Variants in PTPRN2 observed in about 807,000 individuals in gnomAD.
PTPRN2 encodes the protein receptor-type tyrosine-protein phosphatase N2.
A neutral mutation model predicts 118.8 loss-of-function variants in PTPRN2; 74 were observed. That is an observed-to-expected ratio of 0.62 (90% CI 0.52 to 0.76). PTPRN2 has a LOEUF of 0.76. Among genes scored for constraint, PTPRN2 ranks in the 30% least tolerant of loss-of-function variants. The pLI is 0.00. For synonymous variants in PTPRN2, 641 were observed against 608.0 expected (o/e 1.05, Z -0.80); for missense variants, 1,481 against 1,394.4 (o/e 1.06, Z -0.99).
intron 9 of PTPRN2, among the ~76,000 whole-genome samples, chr7:158,114,134 G>T (rs1816534844): frequency 6.6e-6 from 1 of 152,202 alleles, no homozygotes; most frequent in Non-Finnish European, 1.5e-5. Context: ...TTTGGGAGTG[G>T]TTACAGCAAT....
intron 2 of PTPRN2, among the ~76,000 whole-genome samples, chr7:158,461,482 C>T (rs113522415): frequency 6.3e-5 from 9 of 141,912 alleles, no homozygotes; most frequent in East Asian, 2.1e-4. Flanking sequence ...GGCAACAGAG[C>T]GAGACTCCGT....
chr7:157,936,887 C>T (rs937085558), intron 11 of PTPRN2, among the ~76,000 whole-genome samples: 1 of 152,224 alleles, frequency 6.6e-6, no homozygotes, highest in African/African-American at 2.4e-5. Flanking sequence ...CCCACCTCTC[C>T]CCTGTCTTTC....
intron 11 of PTPRN2, among the ~76,000 whole-genome samples, chr7:157,906,088 C>T (rs2128756662): frequency 6.6e-6 from 1 of 152,360 alleles, no homozygotes. Context: ...GTCAGCCTTC[C>T]TGAAACTGGA....
intron 3 of PTPRN2, among the ~76,000 whole-genome samples, chr7:158,280,652 G>A (rs1007493502): frequency 2.0e-5 from 3 of 152,230 alleles, no homozygotes; most frequent in Non-Finnish European, 4.4e-5. Flanking sequence ...GGTGCGGCCC[G>A]ACACTGCGTA....
intron 4 of PTPRN2, among the ~76,000 whole-genome samples, chr7:158,193,821 T>C (rs1321028512): frequency 1.4e-5 from 2 of 146,930 alleles, no homozygotes; most frequent in Non-Finnish European, 3.0e-5. Context: ...ATAATTCCCA[T>C]AGGAGACGCC....
chr7:158,090,891 A>C (rs1814065073), intron 10 of PTPRN2, among the ~76,000 whole-genome samples: 2 of 152,252 alleles, frequency 1.3e-5, no homozygotes, highest in African/African-American at 4.8e-5. Flanking sequence ...CATATATCTC[A>C]AAGTGATTTT....
chr7:157,630,323 A>ATCTGTTCTTCT (rs1803861078), intron 14 of PTPRN2, among the ~76,000 whole-genome samples: 11 of 152,382 alleles, frequency 7.2e-5, no homozygotes, highest in Admixed American at 4.6e-4. Context: ...AAGAACAGAT[A>ATCTGTTCTTCT]ATGGTTAAAG....
At chr7:157,640,175 G>A (rs1305305719) in intron 14 of PTPRN2, among the ~76,000 whole-genome samples, 1 of 152,250 alleles carries the variant, frequency 6.6e-6, no homozygotes, top group African/African-American at 2.4e-5. Context: ...CATTGATCAT[G>A]ATTGAAGGTG....
chr7:157,726,780 T>C (rs1799627003), intron 12 of PTPRN2, among the ~76,000 whole-genome samples: 4 of 152,204 alleles, frequency 2.6e-5, no homozygotes. Context: ...ATCCAGAACA[T>C]GTAGGAAACT....
Position 157,813,070 on chromosome 7 carries a change from G to A in PTPRN2, c.1788+85603C>T, listed in dbSNP as rs1259405343. Among the ~76,000 whole-genome samples the A allele has an allele frequency of 6.6e-6, 1 of 152,156 alleles. No homozygotes were observed. Among genetic ancestry groups the A allele is most frequent in the Non-Finnish European group, 1.5e-5 (1 of 68,030 alleles). On this transcript the variant is annotated intron_variant, in intron 12 of 22. Coordinates refer to ENST00000389418, the MANE Select transcript of PTPRN2 (RefSeq NM_002847.5). This position sits in a 1 kb window ranked among gnomAD's most constrained non-coding sequence, Gnocchi z 4.7. ...ACAGGAGGACGGTGCTCAAATGACT[G>A]TGACACGTGCCGTGTATCTGCAAAG...
chr7:157,804,340 C>T (rs1439273686), intron 12 of PTPRN2, among the ~76,000 whole-genome samples: 1 of 152,244 alleles, frequency 6.6e-6, no homozygotes, highest in Non-Finnish European at 1.5e-5. Flanking sequence ...ACTGCCTTCC[C>T]TTCTTTCCAC....
chr7:158,269,747 GA>G (rs1798167362), intron 3 of PTPRN2, among the ~76,000 whole-genome samples: 1 of 110,254 alleles, frequency 9.1e-6, no homozygotes, highest in Non-Finnish European at 1.8e-5. Flanking sequence ...GACAGAGACA[GA>G]GAGAGACAGA....
chr7:158,396,688 G>C (rs1242537589), intron 2 of PTPRN2, among the ~76,000 whole-genome samples: 1 of 152,156 alleles, frequency 6.6e-6, no homozygotes, highest in Non-Finnish European at 1.5e-5. Context: ...ACGTGTGTGT[G>C]CATGTTTGTG....
chr7:157,974,094 T>C lies in PTPRN2; in HGVS notation c.1724-75357A>G, dbSNP rs1485470512. Among the ~76,000 whole-genome samples, 2 of 152,244 alleles carry C rather than the reference T, an allele frequency of 1.3e-5. No homozygotes were observed. Among genetic ancestry groups the C allele is most frequent in the East Asian group, 3.9e-4 (2 of 5,194 alleles). On this transcript the variant is annotated intron_variant, in intron 11 of 22. Transcript: ENST00000389418. The surrounding 1 kb of genome is among the most constrained non-coding windows in gnomAD (Gnocchi z 4.0). ...AACATGGAGCACAGGCTGAGCTGCCTGACTTGCACTGCTGGACGGTGGGTT... is the reference window on the plus strand; with the variant it reads ...AACATGGAGCACAGGCTGAGCTGCCCGACTTGCACTGCTGGACGGTGGGTT...
chr7:157,978,740 T>C (rs1490196548), intron 11 of PTPRN2, among the ~76,000 whole-genome samples: 1 of 151,958 alleles, frequency 6.6e-6, no homozygotes, highest in Non-Finnish European at 1.5e-5. Flanking sequence ...ACACTTTCTG[T>C]TCCCTTCCTC....
In PTPRN2 at chr7:157,787,792, G is replaced by T. The variant is rs1453426518; in HGVS notation, c.1789-104855C>A. Among the ~76,000 whole-genome samples the T allele has an allele frequency of 1.3e-5, 2 of 152,144 alleles. No homozygotes were observed. Among genetic ancestry groups the T allele is most frequent in the African/African-American group, 4.8e-5 (2 of 41,418 alleles). On this transcript the variant is annotated intron_variant, in intron 12 of 22. Coordinates refer to ENST00000389418, the MANE Select transcript of PTPRN2 (RefSeq NM_002847.5). The surrounding 1 kb of genome is among the most constrained non-coding windows in gnomAD (Gnocchi z 5.3). ...ACTTCATTTGTGCTCATGGCTGGGG[G>T]AGGCACCTGGGGGCCCCGTCCAAGC... is the stretch of plus-strand genomic sequence containing the variant.
intron 12 of PTPRN2, among the ~76,000 whole-genome samples, chr7:157,730,391 G>A (rs1188161199): frequency 6.6e-6 from 1 of 152,238 alleles, no homozygotes; most frequent in Non-Finnish European, 1.5e-5. Flanking sequence ...AAACAGAGGA[G>A]GGTGTCGCAA....
At chr7:157,688,799 C>T (rs1797321450) in intron 12 of PTPRN2, among the ~76,000 whole-genome samples, 1 of 152,232 alleles carries the variant, frequency 6.6e-6, no homozygotes, top group East Asian at 1.9e-4. Context: ...GGAGGGTCAG[C>T]GTTCGGCCCC....
At position 157,904,784 on chromosome 7, in the gene PTPRN2, C is replaced by T. The variant is rs538012116; in HGVS notation, c.1724-6047G>A. Among the ~76,000 whole-genome samples the T allele has an allele frequency of 8.4e-4, 128 of 152,352 alleles. No individual in the cohort carries two copies. In the Middle Eastern group the frequency reaches 0.01, roughly 12 times the overall value. ...GAGAGAATCGAAACACAGAGAGGCC[C>T]GCACCTCCCTCCTCCTGCATCGCGA... On this transcript the variant is annotated intron_variant, in intron 11 of 22. Transcript: ENST00000389418.
Sources: allele counts gnomAD v4.1 joint callset (sites outside exome capture counted in the v4.1 genomes callset), GRCh38; gene constraint gnomAD v4.1.1; non-coding constraint Gnocchi (gnomAD v3.1); transcripts MANE v1.5; gene names NCBI Gene and HGNC (gene_info 2026-07-23, HGNC 2026-07-21).